Variants in CYTH1 observed in about 807,000 individuals in gnomAD.
The protein encoded by CYTH1 is cytohesin 1, also known as cytohesin-1.
In CYTH1, 18 loss-of-function variants were observed where a neutral mutation model predicts 61.8. The observed-to-expected ratio is 0.29, with a 90% CI of 0.20 to 0.43. The LOEUF (loss-of-function observed/expected upper bound fraction) is 0.43. Ranked by LOEUF, CYTH1 falls within the 20% of genes least tolerant of loss-of-function variation. CYTH1 has a pLI of 1.00. For synonymous variants in CYTH1, 174 were observed against 184.3 expected (o/e 0.94, Z 0.45); for missense variants, 336 against 510.5 (o/e 0.66, Z 3.29).
At chr17:78,714,028 G>A (rs916594878) in intron 1 of CYTH1, among the ~76,000 whole-genome samples, 2 of 152,190 alleles carry the variant, frequency 1.3e-5, no homozygotes, top group Non-Finnish European at 2.9e-5. Context: ...GGTGGTCCAC[G>A]CCTGTAATCC....
In CYTH1 at chr17:78,676,049, G is replaced by A. The variant is rs2092694511; in HGVS notation, c.*42C>T. ...CCATGGAGGTGCGGGAGAAGAGCAG[G>A]AGCTCCAAGGCCCCCGCAGACCAAC... On this transcript the variant is annotated 3_prime_UTR_variant, in exon 14 of 14. Transcript: ENST00000446868. 6.3e-7 allele frequency: 1 copy of A among 1,575,988 alleles called. No individual in the cohort carries two copies. Among genetic ancestry groups the A allele is most frequent in the Admixed American group, 1.9e-5 (1 of 53,384 alleles).
At chr17:78,743,386 T>C (rs2093348844) in intron 1 of CYTH1, among the ~76,000 whole-genome samples, 2 of 152,306 alleles carry the variant, frequency 1.3e-5, no homozygotes, top group Middle Eastern at 3.4e-3. Flanking sequence ...TCCCGTGTCA[T>C]GGCCTCTGAA....
intron 8 of CYTH1, 100 bp from the exon 9 acceptor site, chr17:78,698,480 T>A: frequency 2.1e-6 from 2 of 969,118 alleles, no homozygotes; most frequent in Non-Finnish European, 3.2e-6. Context: ...GTGCCTATAG[T>A]AAGCCAAGCC....
chr17:78,716,687 C>T (rs2093183695), intron 1 of CYTH1, among the ~76,000 whole-genome samples: 1 of 152,212 alleles, frequency 6.6e-6, no homozygotes, highest in Admixed American at 6.5e-5. Context: ...GTATTTTCCT[C>T]TGCATAAACT....
intron 13 of CYTH1, chr17:78,676,677 A>C (rs931068125): frequency 6.6e-6 from 2 of 301,016 alleles, no homozygotes; most frequent in Non-Finnish European, 1.3e-5. Flanking sequence ...TGCAGGCGGC[A>C]CTGCCCAGCA....
chr17:78,744,859 A>G (rs538996428), intron 1 of CYTH1, among the ~76,000 whole-genome samples: 15 of 151,980 alleles, frequency 9.9e-5, no homozygotes, highest in Non-Finnish European at 1.6e-4. Context: ...AAAAAAAAAA[A>G]AAAGAAAACC....
chr17:78,685,970 T>G (rs1017409326), intron 11 of CYTH1, among the ~76,000 whole-genome samples: 1 of 152,214 alleles, frequency 6.6e-6, no homozygotes, highest in African/African-American at 2.4e-5. Flanking sequence ...GGGCCAGGCT[T>G]TGGAGCGACC....
intron 1 of CYTH1, among the ~76,000 whole-genome samples, chr17:78,724,575 T>G (rs1405587088): frequency 2.6e-5 from 4 of 152,136 alleles, no homozygotes; most frequent in African/African-American, 9.7e-5. Flanking sequence ...ACAACCAGGT[T>G]TGACAACCAA....
intron 1 of CYTH1, among the ~76,000 whole-genome samples, chr17:78,751,513 G>A (rs2093380297): frequency 6.6e-6 from 1 of 151,738 alleles, no homozygotes; most frequent in African/African-American, 2.4e-5. Flanking sequence ...ACCACATAAA[G>A]GTCATTTGTT....
At chr17:78,692,635 G>T in intron 10 of CYTH1, 142 bp from the exon 11 acceptor site, 1 of 681,586 alleles carries the variant, frequency 1.5e-6, no homozygotes. Context: ...ATTGACATCA[G>T]TAACAAGACA....
intron 1 of CYTH1, among the ~76,000 whole-genome samples, chr17:78,771,132 G>A (rs1391830519): frequency 2.0e-5 from 3 of 152,122 alleles, no homozygotes; most frequent in Non-Finnish European, 4.4e-5. Flanking sequence ...GCATGGTGGT[G>A]CCCGCCTGTA....
intron 1 of CYTH1, among the ~76,000 whole-genome samples, chr17:78,781,362 C>T (rs1379436360): frequency 1.3e-5 from 2 of 152,252 alleles, no homozygotes; most frequent in Non-Finnish European, 2.9e-5. Flanking sequence ...GTCAAACAAC[C>T]TTTTGCAACC....
In CYTH1 at chr17:78,725,690, G is replaced by C. The variant is rs2093262926; in HGVS notation, c.23-15958C>G. On this transcript the variant is annotated intron_variant, in intron 1 of 13. Transcript: ENST00000446868. ...CGCCGACAGAGTGGATCACAGCCGG[G>C]GTTTACCTGTGGTGTGTGAACCTAG... Among the ~76,000 whole-genome samples, 4 of 152,250 alleles carry C rather than the reference G, an allele frequency of 2.6e-5. No individual in the cohort carries two copies. The South Asian group carries it at 8.3e-4, about 32-fold the overall frequency.
intron 1 of CYTH1, among the ~76,000 whole-genome samples, chr17:78,753,641 T>A (rs1008424307): frequency 6.6e-6 from 1 of 152,172 alleles, no homozygotes; most frequent in Non-Finnish European, 1.5e-5. Context: ...TGAGCAGTAA[T>A]AACAGTTAGG....
rs142950500 is a variant in CYTH1 at position 78,768,082 on chromosome 17, C to G, written c.22+14120G>C. Among the ~76,000 whole-genome samples, 12 of 152,180 alleles carry G rather than the reference C, an allele frequency of 7.9e-5. 1 individual carries two copies. The highest frequency in any genetic ancestry group is 2.4e-4 in the African/African-American group (10 of 41,526). On this transcript the variant is annotated intron_variant, in intron 1 of 13. Transcript: ENST00000446868. ...TGAATGTTTTCATTCAAGACTGGCT[C>G]GGAATCATTGTCCAAAGGTATAAAA...
At chr17:78,776,631 G>A (rs2093492258) in intron 1 of CYTH1, among the ~76,000 whole-genome samples, 1 of 146,852 alleles carries the variant, frequency 6.8e-6, no homozygotes, top group Admixed American at 6.8e-5. Context: ...TGGACTCCAG[G>A]CTGGACAACA....
At position 78,742,293 on chromosome 17, in the gene CYTH1, G is replaced by A. The variant is rs560579982; in HGVS notation, c.23-32561C>T. Reference sequence around the variant, plus strand: ...TAACATGCTGCCCTGCTGGGCCAGTGGCTCATGCCTATAATCCCAGGCCTT... The same window carrying A: ...TAACATGCTGCCCTGCTGGGCCAGTAGCTCATGCCTATAATCCCAGGCCTT... On this transcript the variant is annotated intron_variant, in intron 1 of 13. Coordinates refer to ENST00000446868, the MANE Select transcript of CYTH1 (RefSeq NM_004762.6). 2.6e-5 allele frequency among the ~76,000 whole-genome samples: 4 copies of A among 152,340 alleles called. No individual in the cohort carries two copies. In the South Asian group the frequency reaches 6.2e-4, roughly 24 times the overall value.
intron 1 of CYTH1, among the ~76,000 whole-genome samples, chr17:78,721,677 T>G (rs1212282848): frequency 6.6e-6 from 1 of 152,188 alleles, no homozygotes; most frequent in Non-Finnish European, 1.5e-5. Flanking sequence ...GAGCAAACAA[T>G]CACCTCTTCC....
chr17:78,715,775 G>A (rs2093175780), intron 1 of CYTH1, among the ~76,000 whole-genome samples: 1 of 152,138 alleles, frequency 6.6e-6, no homozygotes, highest in African/African-American at 2.4e-5. Flanking sequence ...TACGGTGAGT[G>A]GTATCTACAT....
Sources: allele counts gnomAD v4.1 joint callset (sites outside exome capture counted in the v4.1 genomes callset), GRCh38; gene constraint gnomAD v4.1.1; transcripts MANE v1.5; gene names NCBI Gene and HGNC (gene_info 2026-07-23, HGNC 2026-07-21).